DGKB: variants seen among roughly 807,000 people sequenced by gnomAD.
The protein encoded by DGKB is diacylglycerol kinase beta.
A neutral mutation model predicts 114.3 loss-of-function variants in DGKB; 67 were observed. That is an observed-to-expected ratio of 0.59 (90% CI 0.48 to 0.72). The LOEUF (loss-of-function observed/expected upper bound fraction) is 0.72, where lower values mean the gene tolerates loss of function less well. DGKB is among the 30% of genes least tolerant of loss of function. The pLI is 0.00. For synonymous variants in DGKB, 398 were observed against 323.1 expected (o/e 1.23, Z -2.49); for missense variants, 907 against 975.2 (o/e 0.93, Z 0.93).
chr7:14,820,169 T>G (rs1844721054), intron 2 of DGKB, among the ~76,000 whole-genome samples: 1 of 152,188 alleles, frequency 6.6e-6, no homozygotes, highest in Non-Finnish European at 1.5e-5. Flanking sequence ...CTTTAAGCCA[T>G]ACTTGGTCAC....
chr7:14,543,978 A>C (rs1344300873), intron 20 of DGKB, among the ~76,000 whole-genome samples: 2 of 152,220 alleles, frequency 1.3e-5, no homozygotes, highest in Admixed American at 6.5e-5. Flanking sequence ...GGTGCACTAA[A>C]ATTTCATTTT....
chr7:14,677,021 C>T (rs1819985157), intron 12 of DGKB, among the ~76,000 whole-genome samples: 1 of 151,784 alleles, frequency 6.6e-6, no homozygotes, highest in African/African-American at 2.4e-5. Context: ...TAGAAACCAG[C>T]TTTTCCTGGA....
intron 14 of DGKB, among the ~76,000 whole-genome samples, chr7:14,627,439 A>T (rs994405242): frequency 4.6e-5 from 7 of 152,120 alleles, no homozygotes; most frequent in African/African-American, 1.7e-4. Context: ...TCCTGGGTAT[A>T]AACCACTTAC....
At chr7:14,728,596 G>C (rs1464792272) in intron 5 of DGKB, among the ~76,000 whole-genome samples, 1 of 152,100 alleles carries the variant, frequency 6.6e-6, no homozygotes. Flanking sequence ...CATCTGCTCT[G>C]GGATGAACAG....
chr7:14,665,152 GA>G (rs900929056), intron 13 of DGKB, among the ~76,000 whole-genome samples: 17 of 151,790 alleles, frequency 1.1e-4, no homozygotes, highest in Admixed American at 3.3e-4. Context: ...ATATTGATAT[GA>G]AAAAAAGGCT....
chr7:14,893,539 T>C (rs1781633160), intron 1 of DGKB, among the ~76,000 whole-genome samples: 1 of 151,328 alleles, frequency 6.6e-6, no homozygotes, highest in African/African-American at 2.4e-5. Flanking sequence ...TTTGTAGCGA[T>C]GCCAAGACTT....
chr7:14,175,697 T>C (rs1221386451), intron 25 of DGKB, among the ~76,000 whole-genome samples: 2 of 152,230 alleles, frequency 1.3e-5, no homozygotes, highest in Non-Finnish European at 2.9e-5. Flanking sequence ...AATTTAGCTC[T>C]TTACCGTCAA....
At chr7:14,967,463 G>T (rs1216570835) in intron 1 of DGKB, among the ~76,000 whole-genome samples, 2 of 151,734 alleles carry the variant, frequency 1.3e-5, no homozygotes, top group African/African-American at 4.8e-5. Flanking sequence ...TGGGATTGTA[G>T]GCATGCACCA....
intron 23 of DGKB, among the ~76,000 whole-genome samples, chr7:14,259,011 T>C (rs574753025): frequency 1.3e-4 from 20 of 152,296 alleles, no homozygotes; most frequent in African/African-American, 4.8e-4. Context: ...GTCTATGAAA[T>C]TTGTTCAATA....
At chr7:14,793,583 T>C (rs1840991503) in intron 2 of DGKB, among the ~76,000 whole-genome samples, 1 of 152,156 alleles carries the variant, frequency 6.6e-6, no homozygotes, top group African/African-American at 2.4e-5. Flanking sequence ...ACTCAACAGT[T>C]TTTATGATGA....
chr7:14,331,139 A>G (rs1809648899), intron 23 of DGKB, among the ~76,000 whole-genome samples: 1 of 152,088 alleles, frequency 6.6e-6, no homozygotes, highest in Non-Finnish European at 1.5e-5. Context: ...GAGGCAGTTT[A>G]AAAACATAGT....
At chr7:14,412,811 A>G (rs751173630) in intron 21 of DGKB, among the ~76,000 whole-genome samples, 3 of 151,940 alleles carry the variant, frequency 2.0e-5, no homozygotes, top group Non-Finnish European at 4.4e-5. Flanking sequence ...GCAAAACCCC[A>G]TCTCTACTAA....
At chr7:14,739,544 C>T (rs969681450) in intron 4 of DGKB, among the ~76,000 whole-genome samples, 8 of 152,022 alleles carry the variant, frequency 5.3e-5, no homozygotes, top group East Asian at 1.9e-4. Context: ...TCAATGTGTC[C>T]GCATGTTTAA....
chr7:14,413,981 A>C (rs1026670390), intron 21 of DGKB, among the ~76,000 whole-genome samples: 1 of 152,166 alleles, frequency 6.6e-6, no homozygotes, highest in Non-Finnish European at 1.5e-5. Context: ...CTAAATCCAC[A>C]CTAAGTCCTT....
intron 6 of DGKB, among the ~76,000 whole-genome samples, chr7:14,710,221 A>G (rs1335139230): frequency 6.6e-6 from 1 of 152,044 alleles, no homozygotes; most frequent in Non-Finnish European, 1.5e-5. Context: ...CTGTATAGAG[A>G]CCTTTCAAAT....
chr7:14,465,264 C>A (rs768263799), intron 21 of DGKB, among the ~76,000 whole-genome samples: 7 of 152,164 alleles, frequency 4.6e-5, no homozygotes, highest in Non-Finnish European at 1.0e-4. Flanking sequence ...ATTACTCATT[C>A]TCCAAGTACT....
chr7:14,579,395 T>C (rs987970168), intron 19 of DGKB, among the ~76,000 whole-genome samples: 1 of 152,188 alleles, frequency 6.6e-6, no homozygotes, highest in African/African-American at 2.4e-5. Context: ...TATGGACTTC[T>C]TTAACAAATT....
At chr7:14,738,166 CA>C (rs1467623542) in intron 4 of DGKB, among the ~76,000 whole-genome samples, 9 of 152,328 alleles carry the variant, frequency 5.9e-5, no homozygotes, top group Non-Finnish European at 1.0e-4. Flanking sequence ...AAGTATTCCA[CA>C]TTCATTTGGG....
chr7:14,588,573 C>A (rs543344473), intron 17 of DGKB, among the ~76,000 whole-genome samples: 5 of 152,090 alleles, frequency 3.3e-5, no homozygotes, highest in Non-Finnish European at 7.4e-5. Flanking sequence ...GCCTCCGGCC[C>A]TCCCTCTCTT....
Sources: gnomAD v4.1 joint callset for allele counts (sites outside exome capture counted in the v4.1 genomes callset) on GRCh38, gnomAD v4.1.1 for gene constraint, MANE v1.5 for transcripts, NCBI Gene and HGNC (gene_info 2026-07-23, HGNC 2026-07-21) for gene names.